PTPN12: variants seen among roughly 807,000 people sequenced by gnomAD.
PTPN12 encodes the protein protein tyrosine phosphatase non-receptor type 12.
PTPN12 carries 29 observed loss-of-function variants against 97.6 expected under a neutral mutation model. The observed-to-expected ratio is 0.30, with a 90% CI of 0.22 to 0.41. PTPN12 has a LOEUF of 0.41. Ranked by LOEUF, PTPN12 falls within the 10% of genes least tolerant of loss-of-function variation. The pLI is 1.00. For missense variants in PTPN12, 819 were observed against 926.0 expected (o/e 0.88, Z 1.50); for synonymous variants, 327 against 300.4 (o/e 1.09, Z -0.91).
At chr7:77,635,930 C>G (rs1169668787) in intron 15 of PTPN12, 81 bp downstream of exon 15, 1 of 906,222 alleles carries the variant, frequency 1.1e-6, no homozygotes, top group Non-Finnish European at 1.7e-6. Context: ...GTTGAAATAG[C>G]TGTCATCTTA....
At chr7:77,583,773 TG>T in intron 4 of PTPN12, 123 bp downstream of exon 4, 1 of 588,994 alleles carries the variant, frequency 1.7e-6, no homozygotes, top group Non-Finnish European at 2.7e-6. Flanking sequence ...TTATTGCTGA[TG>T]TTTACTAAAA....
intron 6 of PTPN12, among the ~76,000 whole-genome samples, chr7:77,596,095 A>C (rs1489815158): frequency 6.6e-6 from 1 of 152,220 alleles, no homozygotes; most frequent in South Asian, 2.1e-4. Context: ...ATGACATTCT[A>C]TGTATATTTA....
chr7:77,600,675 G>A lies in PTPN12; in HGVS notation c.564G>A (p.Arg188=), dbSNP rs1418831990. 5 of 1,600,430 alleles carry A rather than the reference G, an allele frequency of 3.1e-6. No homozygotes were observed. The highest frequency in any genetic ancestry group is 3.5e-5 in the Admixed American group (2 of 56,510). Reference sequence around the variant, plus strand: ...TGTTTTTCTTGAAGGAATCTCGTAGGCTGTATCAGTTTCATTATGTGAACT... The same window carrying A: ...TGTTTTTCTTGAAGGAATCTCGTAGACTGTATCAGTTTCATTATGTGAACT... ...LLLEFQNESR[R]LYQFHYVNWP... is the part of the protein sequence containing the mutation. The change falls in exon 8 of 18, where the codon AGG becomes AGA. Residue 188 remains arginine, a synonymous_variant. Transcript: ENST00000248594.
At chr7:77,571,053 T>C in intron 1 of PTPN12, 25 bp from the exon 2 acceptor site, 1 of 1,455,218 alleles carries the variant, frequency 6.9e-7, no homozygotes, top group Non-Finnish European at 9.3e-7. Context: ...CTCTAAACTT[T>C]AATTTTTATT....
At chr7:77,597,929 T>C in intron 7 of PTPN12, 28 bp downstream of exon 7, 1 of 1,605,924 alleles carries the variant, frequency 6.2e-7, no homozygotes, top group African/African-American at 1.3e-5. Context: ...ATAGACTATC[T>C]GTAAGAATAG....
At chr7:77,587,553 C>T (rs1787732067) in intron 5 of PTPN12, among the ~76,000 whole-genome samples, 3 of 152,182 alleles carry the variant, frequency 2.0e-5, no homozygotes, top group Admixed American at 2.0e-4. Flanking sequence ...GTACATTTGG[C>T]ATGATTTTTA....
At chr7:77,549,746 A>AT (rs1584093500) in intron 1 of PTPN12, among the ~76,000 whole-genome samples, 2 of 151,732 alleles carry the variant, frequency 1.3e-5, no homozygotes, top group Admixed American at 6.6e-5. Flanking sequence ...TGTCCTACTA[A>AT]TTTTTTTACC....
rs1199068079 is a variant in PTPN12 at position 77,537,327 on chromosome 7, G to T, written c.-220G>T. ...CAGCGGCTCGCCTGGTACTGTGGGA[G>T]AGCGGCGGCTGCTCCTGGAAGTTGT... On this transcript the variant is annotated 5_prime_UTR_variant, in exon 1 of 18. Coordinates refer to ENST00000248594, the MANE Select transcript of PTPN12 (RefSeq NM_002835.4). 3 of 539,658 alleles carry T rather than the reference G, an allele frequency of 5.6e-6. No homozygotes were observed. The highest frequency in any genetic ancestry group is 9.1e-6 in the Non-Finnish European group (3 of 328,344). 33.4% of individuals were successfully genotyped at this position (539,658 alleles called of 1,614,324 possible). A position where few individuals can be genotyped will look rare whatever the true frequency, so the allele number is the denominator to read the frequency against.
chr7:77,627,461 C>T lies in PTPN12; in HGVS notation c.1782C>T (p.Pro594=). 1 of 1,613,910 alleles carries T rather than the reference C, an allele frequency of 6.2e-7. No homozygotes were observed. The highest frequency in any genetic ancestry group is 1.1e-5 in the South Asian group (1 of 91,062). The change falls in exon 13 of 18, where the codon CCC becomes CCT. Residue 594 remains proline (P), a synonymous_variant. Coordinates refer to ENST00000248594, the MANE Select transcript of PTPN12 (RefSeq NM_002835.4). ...ACACTTCACCACTCTTCAGAACACC[C>T]CTCAGTTTTACTAATCCACTTCACT... ...HDNTSPLFRT[P]LSFTNPLHSD...
intron 8 of PTPN12, among the ~76,000 whole-genome samples, chr7:77,604,209 C>CATTTTTTTTTT (rs1554320981): frequency 9.5e-5 from 5 of 52,802 alleles, no homozygotes; most frequent in Admixed American, 3.4e-4. Context: ...TTTTTTCTTC[C>CATTTTTTTTTT]TTTTTTTTTT....
rs143032580 is a variant in PTPN12, at chr7:77,600,660, G to A, written c.553-4G>A. The A allele has an allele frequency of 9.0e-3, 14,211 of 1,576,236 alleles. 73 individuals are homozygous for A. Among genetic ancestry groups the A allele is most frequent in the Non-Finnish European group, 0.01 (12,186 of 1,165,870 alleles). Reference sequence around the variant, plus strand: ...TAATTGTTGACTTTCTGTTTTTCTTGAAGGAATCTCGTAGGCTGTATCAGT... The same window carrying A: ...TAATTGTTGACTTTCTGTTTTTCTTAAAGGAATCTCGTAGGCTGTATCAGT... On this transcript the variant is annotated splice_region_variant and splice_polypyrimidine_tract_variant and intron_variant, in intron 7 of 17. Coordinates refer to ENST00000248594, the MANE Select transcript of PTPN12 (RefSeq NM_002835.4).
In PTPN12 at chr7:77,639,223, T is replaced by C. The variant is rs754021575; in HGVS notation, c.2286T>C (p.Phe762=). Residue 762 remains phenylalanine, a synonymous_variant, in exon 18 of 18, where the codon TTT becomes TTC. Coordinates refer to ENST00000248594, the MANE Select transcript of PTPN12 (RefSeq NM_002835.4). ...ATTGTGGTGTTTTCACTGTAGGTTT[T>C]GGTAATCGATGTGGAAAACCCAAAG... ...ENPTEATDIG[F]GNRCGKPKGP... 1 of 1,611,498 alleles carries C rather than the reference T, an allele frequency of 6.2e-7. No homozygotes were observed. The highest frequency in any genetic ancestry group is 1.1e-5 in the South Asian group (1 of 90,860).
At chr7:77,634,644 C>T (rs528567936) in intron 14 of PTPN12, among the ~76,000 whole-genome samples, 5 of 152,018 alleles carry the variant, frequency 3.3e-5, no homozygotes, top group South Asian at 2.1e-4. Flanking sequence ...AGGGTTTCAC[C>T]GTGTTAGCCA....
At chr7:77,562,971 AG>A (rs1385122146) in intron 1 of PTPN12, among the ~76,000 whole-genome samples, 1 of 151,588 alleles carries the variant, frequency 6.6e-6, no homozygotes, top group African/African-American at 2.4e-5. Flanking sequence ...AAAAAAAAAA[AG>A]AACAGCCTTG....
chr7:77,582,858 A>C (rs1216069519), intron 3 of PTPN12, among the ~76,000 whole-genome samples: 2 of 152,210 alleles, frequency 1.3e-5, no homozygotes, highest in Non-Finnish European at 2.9e-5. Context: ...TTTAAATAAA[A>C]ATTTCTTTTT....
Position 77,631,255 on chromosome 7 carries a change from A to G in PTPN12, c.1997-1093A>G, listed in dbSNP as rs539129828. Among the ~76,000 whole-genome samples, 13 of 151,614 alleles carry G rather than the reference A, an allele frequency of 8.6e-5. No homozygotes were observed. The South Asian group carries it at 2.1e-3, about 24-fold the overall frequency. On this transcript the variant is annotated intron_variant, in intron 13 of 17. Coordinates refer to ENST00000248594, the MANE Select transcript of PTPN12 (RefSeq NM_002835.4). ...TAGATGTATCAAGTATTGGACTGGA[A>G]CTCCTCTTTCAGGAGGACCCAGAAG...
chr7:77,543,563 A>G (rs945050369), intron 1 of PTPN12, among the ~76,000 whole-genome samples: 8 of 152,158 alleles, frequency 5.3e-5, no homozygotes, highest in Non-Finnish European at 7.4e-5. Context: ...TTATTCATTT[A>G]AAGTCTATGA....
At chr7:77,584,836 C>T (rs989273368) in intron 4 of PTPN12, among the ~76,000 whole-genome samples, 3 of 149,778 alleles carry the variant, frequency 2.0e-5, no homozygotes, top group African/African-American at 7.4e-5. Context: ...GAGATAGCGC[C>T]ACTGCACTCC....
chr7:77,555,866 G>T (rs953443168), intron 1 of PTPN12, among the ~76,000 whole-genome samples: 7 of 150,782 alleles, frequency 4.6e-5, no homozygotes, highest in African/African-American at 1.7e-4. Context: ...AGTGAGCCGA[G>T]ATCACACCAT....
Sources: allele counts gnomAD v4.1 joint callset (sites outside exome capture counted in the v4.1 genomes callset), GRCh38; gene constraint gnomAD v4.1.1; transcripts MANE v1.5; gene names NCBI Gene and HGNC (gene_info 2026-07-23, HGNC 2026-07-21).